Variants in CACNA1B observed in about 807,000 individuals in gnomAD.
CACNA1B encodes calcium voltage-gated channel subunit alpha1 B.
CACNA1B carries 70 observed loss-of-function variants against 247.2 expected under a neutral mutation model. The ratio of observed to expected loss-of-function variants is 0.28; its 90% CI spans 0.23 to 0.35. CACNA1B has a LOEUF of 0.35. Ranked by LOEUF, CACNA1B falls within the 10% of genes least tolerant of loss-of-function variation. CACNA1B has a pLI of 1.00. For missense variants in CACNA1B, 2,367 were observed against 3,197.4 expected (o/e 0.74, Z 6.26); for synonymous variants, 1,231 against 1,294.4 (o/e 0.95, Z 1.05).
chr9:138,115,317 A>C (rs1407768858), intron 41 of CACNA1B, among the ~76,000 whole-genome samples: 4 of 152,144 alleles, frequency 2.6e-5, no homozygotes, highest in African/African-American at 9.7e-5. Flanking sequence ...CTGACAGGCA[A>C]GGTTTTGAGG....
chr9:137,969,397 T>C (rs1328727709), intron 10 of CACNA1B, among the ~76,000 whole-genome samples: 6 of 152,216 alleles, frequency 3.9e-5, no homozygotes. Flanking sequence ...TTGTGTTGTG[T>C]GCACAGGAAG....
chr9:137,987,848 G>A (rs1200416512), intron 15 of CACNA1B, among the ~76,000 whole-genome samples: 1 of 152,224 alleles, frequency 6.6e-6, no homozygotes, highest in African/African-American at 2.4e-5. Context: ...CTGCTGGGCT[G>A]GAGCCTATGA....
In CACNA1B at chr9:137,956,761, C is replaced by T. The variant is rs1344866295; in HGVS notation, c.1187-10C>T. 1.9e-6 allele frequency: 3 copies of T among 1,612,978 alleles called. No individual in the cohort carries two copies. Among genetic ancestry groups the T allele is most frequent in the Admixed American group, 3.3e-5 (2 of 59,984 alleles). ...GAGGGCTCTGACCTGAGGCTGTGTT[C>T]CCCTCGCAGAGGAAGTCATGCTGGC... On this transcript the variant is annotated splice_polypyrimidine_tract_variant and intron_variant, in intron 8 of 46. Coordinates refer to ENST00000371372, the MANE Select transcript of CACNA1B (RefSeq NM_000718.4).
chr9:138,004,028 C>T lies in CACNA1B; in HGVS notation c.1975-2739C>T, dbSNP rs142752317. Reference sequence around the variant, plus strand: ...ATGAAGAACCATCCTCTGCTGCTGGCGGGAATATGATTTGGGATAACCATT... The same window carrying T: ...ATGAAGAACCATCCTCTGCTGCTGGTGGGAATATGATTTGGGATAACCATT... On this transcript the variant is annotated intron_variant, in intron 15 of 46. Transcript: ENST00000371372. Among the ~76,000 whole-genome samples, 93 of 151,882 alleles carry T rather than the reference C, an allele frequency of 6.1e-4. No homozygotes were observed. In the East Asian group the frequency reaches 9.3e-3, roughly 15 times the overall value.
In CACNA1B at chr9:138,059,844, C is replaced by T. The variant is rs577482611; in HGVS notation, c.4668+107C>T. 46 of 717,690 alleles carry T rather than the reference C, an allele frequency of 6.4e-5. No homozygotes were observed. Among genetic ancestry groups the T allele is most frequent in the South Asian group, 1.1e-4 (7 of 61,468 alleles). 44.5% of individuals were successfully genotyped at this position (717,690 alleles called of 1,614,324 possible). ...CCTGTGTTAGCCTCTTCCTGGGTTCCGCAGAACCCCCTGGACATGTGGAGG... is the reference window on the plus strand; with the variant it reads ...CCTGTGTTAGCCTCTTCCTGGGTTCTGCAGAACCCCCTGGACATGTGGAGG... On this transcript the variant is annotated intron_variant, in intron 31 of 46. Transcript: ENST00000371372. The surrounding 1 kb of genome is among the most constrained non-coding windows in gnomAD (Gnocchi z 4.2).
chr9:138,025,923 C>T (rs1474570137), intron 20 of CACNA1B, among the ~76,000 whole-genome samples: 2 of 152,152 alleles, frequency 1.3e-5, no homozygotes, highest in Non-Finnish European at 2.9e-5. Flanking sequence ...AGAAGAGAGG[C>T]CATAGAAACA....
intron 38 of CACNA1B, among the ~76,000 whole-genome samples, chr9:138,104,355 C>G (rs373449177): frequency 6.9e-4 from 105 of 152,238 alleles, no homozygotes; most frequent in African/African-American, 2.4e-3. Flanking sequence ...CACCTGCCTG[C>G]TCTGCCCTCA....
chr9:138,009,461 C>G (rs1157395018), intron 16 of CACNA1B, among the ~76,000 whole-genome samples: 1 of 152,208 alleles, frequency 6.6e-6, no homozygotes, highest in East Asian at 1.9e-4. Context: ...GGGCCTAGGA[C>G]TTGGGGCCCA....
intron 36 of CACNA1B, 135 bp downstream of exon 36, chr9:138,078,393 G>T (rs1027745883): frequency 9.4e-6 from 8 of 853,694 alleles, no homozygotes; most frequent in Non-Finnish European, 1.3e-5. Context: ...GATGGCCCTT[G>T]TTTCCCCAGA....
chr9:137,942,909 C>T (rs1401485419), intron 6 of CACNA1B, among the ~76,000 whole-genome samples: 1 of 152,130 alleles, frequency 6.6e-6, no homozygotes, highest in Non-Finnish European at 1.5e-5. Flanking sequence ...TAAATCACCA[C>T]TAAAGAACTT....
At chr9:138,095,530 G>C (rs1340634009) in intron 36 of CACNA1B, among the ~76,000 whole-genome samples, 1 of 152,156 alleles carries the variant, frequency 6.6e-6, no homozygotes, top group African/African-American at 2.4e-5. Context: ...AATGTAAAAT[G>C]CACCAGCTGC....
In CACNA1B at chr9:138,118,091, C is replaced by T. The variant is rs1961934616; in HGVS notation, c.5913+10C>T. On this transcript the variant is annotated intron_variant, in intron 43 of 46. Coordinates refer to ENST00000371372, the MANE Select transcript of CACNA1B (RefSeq NM_000718.4). ...GCGGTCAGGAGCACTGGTGAGCACT[C>T]CCGGGGGCTAGTGAGACTGGGTTGG... 1 of 1,538,264 alleles carries T rather than the reference C, an allele frequency of 6.5e-7. No individual in the cohort carries two copies. The highest frequency in any genetic ancestry group is 8.8e-7 in the Non-Finnish European group (1 of 1,140,708).
At chr9:138,000,593 C>T (rs904632984) in intron 15 of CACNA1B, among the ~76,000 whole-genome samples, 1 of 152,178 alleles carries the variant, frequency 6.6e-6, no homozygotes, top group Non-Finnish European at 1.5e-5. Flanking sequence ...GAAATAATAA[C>T]TATTTGACTC....
rs1021387822 is a variant in CACNA1B, at chr9:138,043,941, A to C, written c.3413+41A>C. On this transcript the variant is annotated intron_variant, in intron 21 of 46. Transcript: ENST00000371372. ...TGCTGGTGTGTGTGGCCGCCCACTC[A>C]CCCATGCATCATGACCCGTGGGATC... The C allele has an allele frequency of 2.5e-6, 4 of 1,602,316 alleles. No homozygotes were observed. In the Middle Eastern group the frequency reaches 6.7e-4, roughly 267 times the overall value.
Position 138,012,171 on chromosome 9 carries a change from A to G in CACNA1B, c.2161-958A>G, listed in dbSNP as rs1309654638. On this transcript the variant is annotated intron_variant, in intron 17 of 46. Transcript: ENST00000371372. The surrounding 1 kb of genome is among the most constrained non-coding windows in gnomAD (Gnocchi z 4.2). ...GTGGTCACCCAGGAGTGGGGGAGACAGGGAGAGGCTTCTGACAGCCACAGC... is the reference window on the plus strand; with the variant it reads ...GTGGTCACCCAGGAGTGGGGGAGACGGGGAGAGGCTTCTGACAGCCACAGC... Among the ~76,000 whole-genome samples the G allele has an allele frequency of 6.6e-6, 1 of 152,212 alleles. No homozygotes were observed. Among genetic ancestry groups the G allele is most frequent in the Non-Finnish European group, 1.5e-5 (1 of 68,046 alleles).
Position 137,952,468 on chromosome 9 carries a change from C to T in CACNA1B, c.1070+91C>T, listed in dbSNP as rs1299352703. 1.8e-6 allele frequency: 2 copies of T among 1,087,606 alleles called. No homozygotes were observed. Among genetic ancestry groups the T allele is most frequent in the African/African-American group, 3.1e-5 (2 of 64,668 alleles). 67.4% of individuals were successfully genotyped at this position (1,087,606 alleles called of 1,614,324 possible). On this transcript the variant is annotated intron_variant, in intron 7 of 46. Transcript: ENST00000371372. The surrounding 1 kb of genome is among the most constrained non-coding windows in gnomAD (Gnocchi z 4.8). ...CACGTGTGACACTTGGGGTGGGGGCCTGGCCCATGGGTGCCCTCTGTGGTG... is the reference window on the plus strand; with the variant it reads ...CACGTGTGACACTTGGGGTGGGGGCTTGGCCCATGGGTGCCCTCTGTGGTG...
At chr9:138,060,587 G>T (rs893351369) in intron 31 of CACNA1B, among the ~76,000 whole-genome samples, 4 of 152,222 alleles carry the variant, frequency 2.6e-5, no homozygotes, top group Admixed American at 1.3e-4. Flanking sequence ...CCTCCGCACG[G>T]CATTAGGCTG....
chr9:137,918,242 C>T (rs754152818), intron 6 of CACNA1B, among the ~76,000 whole-genome samples: 5 of 151,934 alleles, frequency 3.3e-5, no homozygotes, highest in South Asian at 2.1e-4. Flanking sequence ...AGCTCCCTCA[C>T]GTTGCCTCTG....
intron 31 of CACNA1B, among the ~76,000 whole-genome samples, chr9:138,065,840 C>T (rs1022959928): frequency 6.6e-6 from 1 of 152,180 alleles, no homozygotes; most frequent in Non-Finnish European, 1.5e-5. Context: ...ATCGTTATTG[C>T]ACCCCTTTCA....
Sources: allele counts gnomAD v4.1 joint callset (sites outside exome capture counted in the v4.1 genomes callset), GRCh38; gene constraint gnomAD v4.1.1; non-coding constraint Gnocchi (gnomAD v3.1); transcripts MANE v1.5; gene names NCBI Gene and HGNC (gene_info 2026-07-23, HGNC 2026-07-21).